Variants in KCNMA1 observed in about 807,000 individuals in gnomAD.
KCNMA1 encodes the protein Calcium-activated potassium channel subunit alpha-1.
In KCNMA1, 29 loss-of-function variants were observed where a neutral mutation model predicts 140.0. That is an observed-to-expected ratio of 0.21 (90% CI 0.15 to 0.28). KCNMA1 has a LOEUF of 0.28. Ranked by LOEUF, KCNMA1 falls within the 10% of genes least tolerant of loss-of-function variation. The probability of loss-of-function intolerance (pLI) is 1.00; values close to 1 mark genes in which losing one functional copy is unlikely to be tolerated. For synonymous variants in KCNMA1, 612 were observed against 611.9 expected, an observed-to-expected ratio of 1.00 and a Z score of 0.00; for missense variants, 880 against 1,602.2, an observed-to-expected ratio of 0.55 and a Z score of 7.70.
chr10:77,203,103 C>A (rs866153920), intron 3 of KCNMA1, among the ~76,000 whole-genome samples: 2 of 152,154 alleles, frequency 1.3e-5, no homozygotes, highest in South Asian at 2.1e-4. Flanking sequence ...TCTGGAAGTA[C>A]CATCTTTTTC....
At chr10:77,596,443 A>G (rs182357097) in intron 1 of KCNMA1, among the ~76,000 whole-genome samples, 2 of 152,344 alleles carry the variant, frequency 1.3e-5, no homozygotes, top group Admixed American at 1.3e-4. Context: ...AACAGTACAA[A>G]TCACACAAAT....
intron 3 of KCNMA1, among the ~76,000 whole-genome samples, chr10:77,241,155 T>C (rs1565438194): frequency 6.6e-6 from 1 of 152,160 alleles, no homozygotes; most frequent in Admixed American, 6.5e-5. Flanking sequence ...CATCTGTCTC[T>C]GAGCATGTTT....
rs147608736 is a variant in KCNMA1 at position 76,921,551 on chromosome 10, A to C, written c.2903-6502T>G. Among the ~76,000 whole-genome samples, 201 of 152,354 alleles carry C rather than the reference A, an allele frequency of 1.3e-3. 2 individuals carry two copies. Among genetic ancestry groups the C allele is most frequent in the African/African-American group, 4.8e-3 (198 of 41,592 alleles). ...AAATTATGCAGATTAGAACTTGATT[A>C]GGCTTATATCATGAGACTCAATTTG... On this transcript the variant is annotated intron_variant, in intron 23 of 27. Transcript: ENST00000286628.
intron 5 of KCNMA1, among the ~76,000 whole-genome samples, chr10:77,157,444 G>A (rs1420766000): frequency 1.4e-5 from 2 of 143,424 alleles, no homozygotes; most frequent in African/African-American, 2.7e-5. Context: ...GTGATCAAAT[G>A]TTTTATGATA....
intron 1 of KCNMA1, among the ~76,000 whole-genome samples, chr10:77,429,668 C>T (rs1432411697): frequency 6.6e-6 from 1 of 152,130 alleles, no homozygotes; most frequent in Admixed American, 6.6e-5. Context: ...AAGAAGAACA[C>T]TATTTAATTG....
intron 1 of KCNMA1, among the ~76,000 whole-genome samples, chr10:77,472,115 C>T (rs906698850): frequency 1.3e-5 from 2 of 150,956 alleles, no homozygotes; most frequent in African/African-American, 2.4e-5. Flanking sequence ...ACCCACACAC[C>T]ACGCATTCTG....
At chr10:76,893,964 T>G (rs2041383116) in intron 25 of KCNMA1, among the ~76,000 whole-genome samples, 1 of 152,134 alleles carries the variant, frequency 6.6e-6, no homozygotes. Context: ...TCCATTTTTT[T>G]GTAAAAATGG....
chr10:77,001,419 T>G lies in KCNMA1; in HGVS notation c.2254A>C (p.Ser752Arg), dbSNP rs1415086973. The G allele has an allele frequency of 6.4e-7, 1 of 1,551,570 alleles. No homozygotes were observed. Among genetic ancestry groups the G allele is most frequent in the African/African-American group, 1.4e-5 (1 of 73,048 alleles). ...SSVSVNDCST[S>R]FRAFEDEQPS... ...AGGTTAAACTTACAGGCACGGAAAC[T>G]GGTGGAGCAATCATTAACAGAGACA... The change falls in exon 19 of 28, where the codon AGT (serine) becomes CGT (arginine). Residue 752 changes from serine to arginine, a missense_variant. Coordinates refer to ENST00000286628, the MANE Select transcript of KCNMA1 (RefSeq NM_001161352.2).
chr10:77,332,081 C>T (rs188314755), intron 2 of KCNMA1, among the ~76,000 whole-genome samples: 109 of 152,132 alleles, frequency 7.2e-4, no homozygotes, highest in Admixed American at 1.6e-3. Context: ...CCTGTTGTTA[C>T]GAGGGCACAG....
chr10:77,304,741 T>G (rs1439975397), intron 2 of KCNMA1, among the ~76,000 whole-genome samples: 1 of 152,190 alleles, frequency 6.6e-6, no homozygotes, highest in African/African-American at 2.4e-5. Context: ...CAATTAATAT[T>G]TGCCCAGTGG....
intron 3 of KCNMA1, among the ~76,000 whole-genome samples, chr10:77,227,408 G>A (rs1487827491): frequency 1.3e-5 from 2 of 152,112 alleles, no homozygotes; most frequent in Non-Finnish European, 2.9e-5. Context: ...TGCAAATTAT[G>A]ACATCAATGC....
intron 5 of KCNMA1, among the ~76,000 whole-genome samples, chr10:77,155,000 G>A (rs114106112): frequency 1.8e-4 from 28 of 152,236 alleles, no homozygotes; most frequent in African/African-American, 6.5e-4. Flanking sequence ...GGGGACGCAG[G>A]GGCAAGTGCC....
intron 7 of KCNMA1, among the ~76,000 whole-genome samples, chr10:77,111,184 C>T (rs1204197408): frequency 1.3e-5 from 2 of 152,168 alleles, no homozygotes; most frequent in Non-Finnish European, 2.9e-5. Context: ...AGTAGGTGGG[C>T]AGGAAAGGTA....
At chr10:77,415,496 A>T (rs1426502976) in intron 1 of KCNMA1, among the ~76,000 whole-genome samples, 2 of 152,238 alleles carry the variant, frequency 1.3e-5, no homozygotes, top group Non-Finnish European at 2.9e-5. Flanking sequence ...TGCCCAGACA[A>T]GAAAACTGTG....
At chr10:76,909,800 C>A (rs1053423309) in intron 25 of KCNMA1, among the ~76,000 whole-genome samples, 166 bp downstream of exon 25, 1 of 152,178 alleles carries the variant, frequency 6.6e-6, no homozygotes, top group African/African-American at 2.4e-5. Context: ...CAAACATTTA[C>A]TTGTGTGATG....
intron 16 of KCNMA1, 25 bp from the exon 17 acceptor site, chr10:77,019,124 G>C (rs775708507): frequency 8.1e-7 from 1 of 1,227,466 alleles, no homozygotes; most frequent in Non-Finnish European, 1.2e-6. Flanking sequence ...AAAACAAACA[G>C]AGAAGATACA....
At chr10:77,494,411 C>T (rs142439613) in intron 1 of KCNMA1, among the ~76,000 whole-genome samples, 231 of 152,326 alleles carry the variant, frequency 1.5e-3, no homozygotes, top group African/African-American at 4.9e-3. Flanking sequence ...ACAGCAGCCT[C>T]GCTTACTGCC....
chr10:76,881,527 G>A (rs1391377645), downstream of KCNMA1, among the ~76,000 whole-genome samples: 1 of 152,208 alleles, frequency 6.6e-6, no homozygotes, highest in Non-Finnish European at 1.5e-5. Flanking sequence ...TGGAGACACA[G>A]CATCTCCATC....
At chr10:77,176,655 G>A (rs1018780483) in intron 5 of KCNMA1, among the ~76,000 whole-genome samples, 4 of 152,048 alleles carry the variant, frequency 2.6e-5, no homozygotes, top group Non-Finnish European at 4.4e-5. Flanking sequence ...ACAGGGGCCC[G>A]GATCCCAGCG....
Sources: allele counts gnomAD v4.1 joint callset (sites outside exome capture counted in the v4.1 genomes callset), GRCh38; gene constraint gnomAD v4.1.1; transcripts MANE v1.5; gene names NCBI Gene and HGNC (gene_info 2026-07-23, HGNC 2026-07-21).